ALMS1: variants seen among roughly 807,000 people sequenced by gnomAD.
ALMS1 encodes the protein ALMS1 centrosome and basal body associated protein, also known as centrosome-associated protein ALMS1.
In ALMS1, 271 loss-of-function variants were observed where a neutral mutation model predicts 352.2. The ratio of observed to expected loss-of-function variants is 0.77; its 90% confidence interval spans 0.70 to 0.85. The LOEUF is 0.85. Ranked by LOEUF, ALMS1 falls within the 40% of genes least tolerant of loss-of-function variation. ALMS1 has a pLI of 0.00. For synonymous variants in ALMS1, 1,865 were observed against 1,761.2 expected, an observed-to-expected ratio of 1.06 and a Z score of -1.48; for missense variants, 5,445 against 4,870.7, an observed-to-expected ratio of 1.12 and a Z score of -3.51.
intron 6 of ALMS1, among the ~76,000 whole-genome samples, chr2:73,431,490 G>C (rs1012549555): frequency 6.6e-6 from 1 of 152,104 alleles, no homozygotes; most frequent in Non-Finnish European, 1.5e-5. Context: ...CTGTGAATTT[G>C]GTGAAAAGTT....
At chr2:73,438,729 T>C (rs533550267) in intron 7 of ALMS1, among the ~76,000 whole-genome samples, 3 of 152,166 alleles carry the variant, frequency 2.0e-5, no homozygotes, top group Non-Finnish European at 4.4e-5. Context: ...AAGAGGCCAA[T>C]AGAAAATATC....
chr2:73,598,917 G>A (rs1239118980), intron 16 of ALMS1, among the ~76,000 whole-genome samples: 1 of 152,072 alleles, frequency 6.6e-6, no homozygotes, highest in East Asian at 1.9e-4. Context: ...AATACTTTTT[G>A]CAATGCTCTA....
In ALMS1 at chr2:73,489,570, A is replaced by T. The variant is rs77286979; in HGVS notation, c.7675-64A>T. On this transcript the variant is annotated intron_variant, in intron 9 of 22. Coordinates refer to ENST00000613296, the MANE Select transcript of ALMS1 (RefSeq NM_001378454.1). The stretch of plus-strand genomic sequence containing the variant: ...GTGGGTATAAAACTGATTTGTATAA[A>T]ACTGATTTGTTTATAACTACTTGGA... The T allele has an allele frequency of 2.0e-3, 3,244 of 1,587,202 alleles. 58 individuals are homozygous for T. The African/African-American group carries it at 0.037, about 18-fold the overall frequency.
chr2:73,519,900 C>G lies in ALMS1; in HGVS notation c.9665C>G (p.Ala3222Gly), dbSNP rs1673639553. 6.2e-7 allele frequency: 1 copy of G among 1,613,930 alleles called. No individual in the cohort carries two copies. Among genetic ancestry groups the G allele is most frequent in the Admixed American group, 1.7e-5 (1 of 60,000 alleles). The change falls in exon 11 of 23, where the codon GCT becomes GGT. Residue 3222 changes from alanine to glycine, a missense_variant. Physicochemically the swap from Ala to Gly is moderately conservative, Grantham distance 60 (BLOSUM62 0). Coordinates refer to ENST00000613296, the MANE Select transcript of ALMS1 (RefSeq NM_001378454.1). ...TTTTCATCTGAGATTTTTATTAATG[C>G]TGAAGATCGTGGACATGAAATTATA... ...TLFSSEIFIN[A>G]EDRGHEIIEP...
chr2:73,518,820 A>T (rs767700140), intron 10 of ALMS1, among the ~76,000 whole-genome samples: 7 of 152,172 alleles, frequency 4.6e-5, no homozygotes, highest in Non-Finnish European at 1.0e-4. Context: ...GCTGGATACT[A>T]GACCTTTATC....
chr2:73,559,197 C>CA, intron 15 of ALMS1, 55 bp downstream of exon 15: 1 of 1,571,620 alleles, frequency 6.4e-7, no homozygotes, highest in East Asian at 2.3e-5. Context: ...ATGTGAGGGT[C>CA]AGTGTTAGTG....
At chr2:73,456,630 A>G (rs922363902) in intron 9 of ALMS1, 4 of 152,220 alleles carry the variant, frequency 2.6e-5, no homozygotes, top group African/African-American at 4.8e-5. Context: ...TTAGAAAACT[A>G]TTCTCCAGTG....
intron 6 of ALMS1, among the ~76,000 whole-genome samples, chr2:73,429,287 T>TC: frequency 6.7e-6 from 1 of 149,304 alleles, no homozygotes; most frequent in East Asian, 1.9e-4. Context: ...GCTTTTTTTT[T>TC]TTTTTTTTTT....
rs541328920 is a variant in ALMS1 at position 73,408,592 on chromosome 2, A to G, written c.325-30A>G. On this transcript the variant is annotated intron_variant, in intron 1 of 22. Coordinates refer to ENST00000613296, the MANE Select transcript of ALMS1 (RefSeq NM_001378454.1). ...GTATAATCATAGTGATTGTGTTATT[A>G]CTCTATTTAAGCCTGCTTTTGATTT... The G allele has an allele frequency of 1.9e-6, 3 of 1,606,812 alleles. No homozygotes were observed. In the Admixed American group the frequency reaches 5.0e-5, roughly 27 times the overall value.
At chr2:73,512,456 T>C (rs574084381) in intron 10 of ALMS1, among the ~76,000 whole-genome samples, 21 of 152,226 alleles carry the variant, frequency 1.4e-4, no homozygotes, top group African/African-American at 4.3e-4. Context: ...ATTGCTTTAA[T>C]TTGCATTTCT....
chr2:73,387,354 A>G (rs1670560306), intron 1 of ALMS1, among the ~76,000 whole-genome samples: 1 of 152,268 alleles, frequency 6.6e-6, no homozygotes, highest in Admixed American at 6.5e-5. Context: ...ATGATCACAT[A>G]AAGTGAAACT....
chr2:73,554,164 A>T (rs1472995240), intron 13 of ALMS1, among the ~76,000 whole-genome samples: 1 of 152,084 alleles, frequency 6.6e-6, no homozygotes, highest in Non-Finnish European at 1.5e-5. Flanking sequence ...AAGAAGAAAA[A>T]AATACATTTG....
At chr2:73,493,845 G>T (rs994644595) in intron 10 of ALMS1, among the ~76,000 whole-genome samples, 1 of 152,188 alleles carries the variant, frequency 6.6e-6, no homozygotes, top group African/African-American at 2.4e-5. Context: ...AGCACAGAGA[G>T]TTTCTGTATT....
At chr2:73,512,477 C>A (rs1673473360) in intron 10 of ALMS1, among the ~76,000 whole-genome samples, 1 of 151,878 alleles carries the variant, frequency 6.6e-6, no homozygotes. Flanking sequence ...CTACTACTGA[C>A]AATGAACATT....
At chr2:73,601,503 T>A (rs1675688115) in intron 19 of ALMS1, 67 bp downstream of exon 19, 1 of 1,579,238 alleles carries the variant, frequency 6.3e-7, no homozygotes, top group Non-Finnish European at 8.6e-7. Context: ...GCAGAGAAGC[T>A]GGCTCTGTGA....
intron 11 of ALMS1, among the ~76,000 whole-genome samples, chr2:73,531,418 C>T (rs894942605): frequency 6.6e-6 from 1 of 152,188 alleles, no homozygotes; most frequent in Middle Eastern, 3.2e-3. Flanking sequence ...TGCCAGTTCC[C>T]AACAAGTTTC....
In ALMS1 at chr2:73,490,370, G is replaced by T. The variant is rs201252809; in HGVS notation, c.8411G>T (p.Arg2804Leu). 3 of 1,613,220 alleles carry T rather than the reference G, an allele frequency of 1.9e-6. No homozygotes were observed. In the South Asian group the frequency reaches 3.3e-5, roughly 18 times the overall value. ...CAAAAATTACCTGTTGATTTTGAGC[G>T]TTCTTTTCAAGAAGAAAAACCCTTA... ...QSQKLPVDFE[R>L]SFQEEKPLER... is the part of the protein sequence containing the mutation. Residue 2804 changes from arginine (R) to leucine (L), a missense_variant, in exon 10 of 23, where the codon CGT becomes CTT. Transcript: ENST00000613296.
At chr2:73,397,218 T>C (rs746108477) in intron 1 of ALMS1, among the ~76,000 whole-genome samples, 5 of 152,182 alleles carry the variant, frequency 3.3e-5, no homozygotes, top group Non-Finnish European at 5.9e-5. Context: ...AGATTTTTCT[T>C]CCCTAGTACT....
chr2:73,543,035 A>C (rs6546846), intron 12 of ALMS1, among the ~76,000 whole-genome samples: 70,891 of 151,862 alleles, frequency 0.47, 18,338 homozygotes, highest in African/African-American at 0.71. Context: ...CATATGGAAC[A>C]AAAAAAGAGC....
Sources: allele counts gnomAD v4.1 joint callset (sites outside exome capture counted in the v4.1 genomes callset), GRCh38; gene constraint gnomAD v4.1.1; transcripts MANE v1.5; gene names NCBI Gene and HGNC (gene_info 2026-07-23, HGNC 2026-07-21).